TMEM132B: variants seen among roughly 807,000 people sequenced by gnomAD.
TMEM132B encodes transmembrane protein 132B.
In TMEM132B, 18 loss-of-function variants were observed where a neutral mutation model predicts 90.8. The ratio of observed to expected loss-of-function variants is 0.20; its 90% CI spans 0.14 to 0.29. The LOEUF is 0.29. TMEM132B is among the 10% of genes least tolerant of loss of function. TMEM132B has a pLI of 1.00. For synonymous variants in TMEM132B, 504 were observed against 523.3 expected, an observed-to-expected ratio of 0.96 and a Z score of 0.50; for missense variants, 1,096 against 1,326.8, an observed-to-expected ratio of 0.83 and a Z score of 2.70.
intron 3 of TMEM132B, 125 bp from the exon 4 acceptor site, chr12:125,519,314 T>G: frequency 1.0e-6 from 1 of 978,580 alleles, no homozygotes; most frequent in Non-Finnish European, 1.5e-6. Context: ...CACTGCCGTG[T>G]GAGTTGTTGA....
rs150551134 is a variant in TMEM132B, at chr12:125,209,828, TC to T, written c.67+22966del. Among the ~76,000 whole-genome samples the T allele has an allele frequency of 6.3e-3, 953 of 152,346 alleles. 9 individuals are homozygous for T. Among genetic ancestry groups the T allele is most frequent in the African/African-American group, 0.022 (913 of 41,584 alleles). On this transcript the variant is annotated intron_variant, in intron 1 of 8. Transcript: ENST00000682704. This position sits in a 1 kb window ranked among gnomAD's most constrained non-coding sequence, Gnocchi z 4.4. ...CTCTCCTTGTGGAACATGAAATTGT[TC>T]CCCAATCCTGATTTCTTTTCTCCTT... is the stretch of plus-strand genomic sequence containing the variant.
chr12:125,201,732 T>C (rs1248625738), intron 1 of TMEM132B, among the ~76,000 whole-genome samples: 1 of 152,216 alleles, frequency 6.6e-6, no homozygotes, highest in Non-Finnish European at 1.5e-5. Flanking sequence ...CCCCTTGAGA[T>C]GTTGTGAGGA....
At chr12:125,509,625 G>T (rs1023925103) in intron 3 of TMEM132B, among the ~76,000 whole-genome samples, 1 of 152,180 alleles carries the variant, frequency 6.6e-6, no homozygotes, top group African/African-American at 2.4e-5. Context: ...TGGCTGCGGG[G>T]AGTGGATTTG....
chr12:125,604,482 G>A (rs951120851), intron 5 of TMEM132B, among the ~76,000 whole-genome samples: 11 of 152,050 alleles, frequency 7.2e-5, no homozygotes, highest in Admixed American at 6.6e-5. Flanking sequence ...GCATTGGGAC[G>A]AATAGCTAAT....
chr12:125,649,104 C>G (rs1886840975), intron 6 of TMEM132B, among the ~76,000 whole-genome samples: 1 of 152,156 alleles, frequency 6.6e-6, no homozygotes, highest in Non-Finnish European at 1.5e-5. Flanking sequence ...CTCTCTTACT[C>G]ACGGAGATAC....
chr12:125,432,925 C>A lies in TMEM132B; in HGVS notation c.1106+17248C>A, dbSNP rs963656411. Among the ~76,000 whole-genome samples the A allele has an allele frequency of 3.9e-5, 6 of 152,168 alleles. 1 individual carries two copies. Among genetic ancestry groups the A allele is most frequent in the African/African-American group, 1.2e-4 (5 of 41,438 alleles). ...CCACAGACACACTTCGTAGTTCACT[C>A]ATTTGGTCTATGAGCAGTGGACAAA... On this transcript the variant is annotated intron_variant, in intron 3 of 8. Transcript: ENST00000682704.
chr12:125,550,338 A>G (rs771129187), intron 4 of TMEM132B, among the ~76,000 whole-genome samples: 12 of 152,070 alleles, frequency 7.9e-5, no homozygotes, highest in Non-Finnish European at 1.3e-4. Flanking sequence ...TGCTCCTTCC[A>G]TGGGCTATTT....
chr12:125,525,389 C>T (rs1210516911), intron 4 of TMEM132B, among the ~76,000 whole-genome samples: 2 of 152,218 alleles, frequency 1.3e-5, no homozygotes, highest in Non-Finnish European at 2.9e-5. Flanking sequence ...TCTGCCCTCA[C>T]AAATGGATGG....
At chr12:125,314,545 G>C (rs1052029053) in intron 1 of TMEM132B, among the ~76,000 whole-genome samples, 4 of 152,166 alleles carry the variant, frequency 2.6e-5, no homozygotes, top group African/African-American at 9.7e-5. Context: ...CCCGGGCTCA[G>C]AGGGGCTCAG....
At chr12:125,577,754 T>C (rs1233166499) in intron 4 of TMEM132B, among the ~76,000 whole-genome samples, 6 of 151,994 alleles carry the variant, frequency 3.9e-5, no homozygotes, top group Non-Finnish European at 8.8e-5. Flanking sequence ...TACATTTCCC[T>C]CTAGATACTA....
At chr12:125,404,099 G>T (rs943948292) in intron 2 of TMEM132B, among the ~76,000 whole-genome samples, 2 of 152,186 alleles carry the variant, frequency 1.3e-5, no homozygotes, top group Non-Finnish European at 2.9e-5. Flanking sequence ...AATGGAACTG[G>T]AGGTAACATT....
At chr12:125,344,081 C>T (rs1253455643) in intron 1 of TMEM132B, among the ~76,000 whole-genome samples, 5 of 152,110 alleles carry the variant, frequency 3.3e-5, no homozygotes, top group Admixed American at 1.3e-4. Context: ...ATCAAAGCCC[C>T]TTCTCTCATG....
rs561876420 is a variant in TMEM132B at position 125,489,403 on chromosome 12, T to G, written c.1107-30036T>G. ...TTTTACTTATTTATTTTAGTTTTTT[T>G]TAAAAATTTACTTATTTATTTAGAG... On this transcript the variant is annotated intron_variant, in intron 3 of 8. Transcript: ENST00000682704. 1.5e-3 allele frequency among the ~76,000 whole-genome samples: 229 copies of G among 152,130 alleles called. 1 individual carries two copies. Among genetic ancestry groups the G allele is most frequent in the Middle Eastern group, 6.8e-3 (2 of 294 alleles).
chr12:125,210,375 G>C (rs1476049176), intron 1 of TMEM132B, among the ~76,000 whole-genome samples: 17 of 152,208 alleles, frequency 1.1e-4, no homozygotes. Context: ...AGAGCAGAGG[G>C]AGGGGATGTG....
chr12:125,258,176 C>T (rs1251718120), intron 1 of TMEM132B, among the ~76,000 whole-genome samples: 1 of 152,168 alleles, frequency 6.6e-6, no homozygotes, highest in East Asian at 1.9e-4. Context: ...AGAAGGCAGA[C>T]AAATGAGACG....
intron 5 of TMEM132B, chr12:125,586,066 C>T (rs190998091): frequency 6.6e-6 from 1 of 152,310 alleles, no homozygotes; most frequent in Admixed American, 6.5e-5. Context: ...ACCTTGGCAT[C>T]ATCCCAGGGA....
At chr12:125,553,944 A>G (rs1033779003) in intron 4 of TMEM132B, among the ~76,000 whole-genome samples, 1 of 152,170 alleles carries the variant, frequency 6.6e-6, no homozygotes, top group East Asian at 1.9e-4. Context: ...TAATGAATGA[A>G]AAAAACTCTG....
In TMEM132B at chr12:125,251,926, G is replaced by A. The variant is rs933889916; in HGVS notation, c.67+65060G>A. 8.5e-5 allele frequency among the ~76,000 whole-genome samples: 13 copies of A among 152,232 alleles called. No homozygotes were observed. Among genetic ancestry groups the A allele is most frequent in the African/African-American group, 3.1e-4 (13 of 41,452 alleles). On this transcript the variant is annotated intron_variant, in intron 1 of 8. Coordinates refer to ENST00000682704, the MANE Select transcript of TMEM132B (RefSeq NM_001366854.1). The surrounding 1 kb of genome is among the most constrained non-coding windows in gnomAD (Gnocchi z 4.4). ...AGTTAGGTGCCACATCTGGCCTGAA[G>A]GCCTTTATGCATGATCTGAAGTTAT...
intron 3 of TMEM132B, among the ~76,000 whole-genome samples, chr12:125,511,579 G>A (rs1882978462): frequency 6.6e-6 from 1 of 151,966 alleles, no homozygotes; most frequent in Non-Finnish European, 1.5e-5. Context: ...GGCCGGGCAC[G>A]GTGGCTCACG....
Sources: allele counts gnomAD v4.1 joint callset (sites outside exome capture counted in the v4.1 genomes callset), GRCh38; gene constraint gnomAD v4.1.1; non-coding constraint Gnocchi (gnomAD v3.1); transcripts MANE v1.5; gene names NCBI Gene and HGNC (gene_info 2026-07-23, HGNC 2026-07-21).